The following HNRNPL variants were observed in gnomAD, a reference collection of about 807,000 sequenced individuals.
HNRNPL encodes the protein heterogeneous nuclear ribonucleoprotein L.
HNRNPL carries 12 observed loss-of-function variants against 64.0 expected under a neutral mutation model. The observed-to-expected ratio is 0.19, with a 90% CI of 0.12 to 0.30. The LOEUF (loss-of-function observed/expected upper bound fraction) is 0.30, where lower values mean the gene tolerates loss of function less well. Ranked by LOEUF, HNRNPL falls within the 10% of genes least tolerant of loss-of-function variation. HNRNPL has a pLI of 1.00. For synonymous variants in HNRNPL, 385 were observed against 313.0 expected (o/e 1.23, Z -2.43); for missense variants, 484 against 797.4 (o/e 0.61, Z 4.73).
chr19:38,850,653 T>A (rs1972480045), upstream of HNRNPL, among the ~76,000 whole-genome samples: 1 of 152,246 alleles, frequency 6.6e-6, no homozygotes, highest in Non-Finnish European at 1.5e-5. Flanking sequence ...GGCCCCCTTA[T>A]GGAGCGACCG....
In HNRNPL at chr19:38,838,640, T is replaced by C. The variant is rs745951413; in HGVS notation, c.1356-42A>G. ...AGGGGAGCCTTTGTCATACCCAAAG[T>C]TGTCCCTGAAGCTTTCCCCTGTGGC... On this transcript the variant is annotated intron_variant, in intron 9 of 12. Transcript: ENST00000221419. 4.4e-6 allele frequency: 7 copies of C among 1,585,962 alleles called. No individual in the cohort carries two copies. The Admixed American group carries it at 1.2e-4, about 27-fold the overall frequency.
chr19:38,847,558 G>A (rs1972341709), intron 1 of HNRNPL, 124 bp from the exon 2 acceptor site: 4 of 491,944 alleles, frequency 8.1e-6, no homozygotes, highest in African/African-American at 2.0e-5. Flanking sequence ...AGGATGCACA[G>A]GAAAGACTAG....
In HNRNPL at chr19:38,847,369, G is replaced by A. The variant is rs1269169006; in HGVS notation, c.333C>T (p.Asp111=). ...CCACAAGGTCTGCTTCCACCACACCGTCAATCAGGCCCCTGATGTGGACAA... is the reference window on the plus strand; with the variant it reads ...CCACAAGGTCTGCTTCCACCACACCATCAATCAGGCCCCTGATGTGGACAA... ...SPVVHIRGLI[D]GVVEADLVEA... Residue 111 remains aspartate (D), a synonymous_variant, in exon 2 of 13, where the codon GAC becomes GAT. Transcript: ENST00000221419. 28 of 1,571,344 alleles carry A rather than the reference G, an allele frequency of 1.8e-5. No individual in the cohort carries two copies. The highest frequency in any genetic ancestry group is 5.5e-5 in the African/African-American group (4 of 72,994).
At chr19:38,843,734 A>G in intron 6 of HNRNPL, 108 bp downstream of exon 6, 2 of 918,382 alleles carry the variant, frequency 2.2e-6, no homozygotes, top group Non-Finnish European at 3.5e-6. Flanking sequence ...TCCCATGTCC[A>G]TGGGGGGCCC....
At chr19:38,851,480 AG>A (rs1442452283), upstream of HNRNPL, among the ~76,000 whole-genome samples, 2 of 152,042 alleles carry the variant, frequency 1.3e-5, no homozygotes, top group Non-Finnish European at 2.9e-5. Flanking sequence ...ATATCGCCAA[AG>A]GGGGGAAAAG....
chr19:38,843,102 A>G (rs1972169270), intron 6 of HNRNPL, among the ~76,000 whole-genome samples: 1 of 152,080 alleles, frequency 6.6e-6, no homozygotes, highest in Non-Finnish European at 1.5e-5. Context: ...GGCCTGTGCG[A>G]TGTCAGCATC....
At chr19:38,839,956 C>A (rs1278214504) in intron 8 of HNRNPL, 140 bp downstream of exon 8, 2 of 724,092 alleles carry the variant, frequency 2.8e-6, no homozygotes, top group African/African-American at 3.5e-5. Context: ...CGTCTGCAAG[C>A]AGGCTGCCTG....
At chr19:38,839,712 T>C (rs73930210) in intron 8 of HNRNPL, 11 of 227,314 alleles carry the variant, frequency 4.8e-5, no homozygotes, top group Non-Finnish European at 7.9e-5. Context: ...CAGCCACCGC[T>C]AGCCCCAGTC....
intron 2 of HNRNPL, 134 bp from the exon 3 acceptor site, chr19:38,846,224 G>C: frequency 4.1e-6 from 3 of 731,302 alleles, no homozygotes. Context: ...TCCCCGACCT[G>C]AACACCCTGT....
intron 7 of HNRNPL, 54 bp from the exon 8 acceptor site, chr19:38,840,430 C>T (rs973728733): frequency 1.6e-5 from 25 of 1,554,930 alleles, no homozygotes; most frequent in East Asian, 1.1e-4. Flanking sequence ...GCACGGCGGG[C>T]GGCGGGCAGG....
Position 38,837,490 on chromosome 19 carries a change from A to T in HNRNPL, c.1616-11T>A. On this transcript the variant is annotated splice_polypyrimidine_tract_variant and intron_variant, in intron 11 of 12. Coordinates refer to ENST00000221419, the MANE Select transcript of HNRNPL (RefSeq NM_001533.3). ...AGGAGCTGCGCTCACCTGATTGCAA[A>T]CCAAGGGGAAAAGTAAAGGTTTTAG... is the stretch of plus-strand genomic sequence containing the variant. The T allele has an allele frequency of 6.2e-7, 1 of 1,614,038 alleles. No homozygotes were observed.
At chr19:38,844,498 T>C (rs1260862545) in intron 4 of HNRNPL, among the ~76,000 whole-genome samples, 1 of 152,140 alleles carries the variant, frequency 6.6e-6, no homozygotes, top group Non-Finnish European at 1.5e-5. Flanking sequence ...ATCGCAACGC[T>C]GTCTAGGATG....
intron 9 of HNRNPL, 75 bp from the exon 10 acceptor site, chr19:38,838,673 G>C: frequency 1.4e-6 from 2 of 1,463,826 alleles, no homozygotes; most frequent in South Asian, 2.3e-5. Flanking sequence ...GGCCTCCAGA[G>C]GCTTAGCTTG....
chr19:38,847,422 C>T lies in HNRNPL; in HGVS notation c.280G>A (p.Asp94Asn). 1 of 1,516,424 alleles carries T rather than the reference C, an allele frequency of 6.6e-7. No homozygotes were observed. Among genetic ancestry groups the T allele is most frequent in the South Asian group, 1.3e-5 (1 of 77,672 alleles). The allele number at this position is 1,516,424 out of a possible 1,614,324, so 93.9% of individuals were successfully genotyped here. A position where few individuals can be genotyped will look rare whatever the true frequency, so the allele number is the denominator to read the frequency against. Residue 94 changes from aspartate (D) to asparagine (N), a missense_variant, in exon 2 of 13, where the codon GAC becomes AAC. Transcript: ENST00000221419. Reference protein sequence around the residue: ...GGGGGGENYDDPHKTPASPVV... With the variant: ...GGGGGGENYDNPHKTPASPVV... ...GGGGAGGCAGGGGTTTTGTGCGGGT[C>T]ATCGTAGTTCTCCTGAGAAAGGAAG...
intron 2 of HNRNPL, among the ~76,000 whole-genome samples, 172 bp downstream of exon 2, chr19:38,847,144 G>A (rs1972327340): frequency 6.6e-6 from 1 of 152,202 alleles, no homozygotes; most frequent in Admixed American, 6.5e-5. Flanking sequence ...AAGGGTCATG[G>A]AACTTGCTGT....
At chr19:38,839,117 T>C in intron 8 of HNRNPL, 102 bp from the exon 9 acceptor site, 8 of 1,438,512 alleles carry the variant, frequency 5.6e-6, no homozygotes, top group Non-Finnish European at 7.7e-6. Flanking sequence ...TGGCCTCCCA[T>C]GTCCTCACAG....
At position 38,837,668 on chromosome 19, in the gene HNRNPL, G is replaced by C; in HGVS notation, c.1558-17C>G. 1 of 1,613,108 alleles carries C rather than the reference G, an allele frequency of 6.2e-7. No homozygotes were observed. Among genetic ancestry groups the C allele is most frequent in the Non-Finnish European group, 8.5e-7 (1 of 1,179,170 alleles). ...ATCGCAGATCTGCAAAAGAAAACAG[G>C]TAGTAAATGAACTCTGAAACAAAAG... On this transcript the variant is annotated splice_polypyrimidine_tract_variant and intron_variant, in intron 10 of 12. Coordinates refer to ENST00000221419, the MANE Select transcript of HNRNPL (RefSeq NM_001533.3).
chr19:38,850,675 C>A (rs891709045), upstream of HNRNPL, among the ~76,000 whole-genome samples: 3 of 152,226 alleles, frequency 2.0e-5, no homozygotes, highest in African/African-American at 7.2e-5. Flanking sequence ...TGTGTGTGCG[C>A]CGGAAGGCTA....
At position 38,840,538 on chromosome 19, in the gene HNRNPL, T is replaced by C; in HGVS notation, c.902A>G (p.Asn301Ser). ...SGQGDPGSNPNKRQRQPPLLG... is the reference protein window; with the variant it reads ...SGQGDPGSNPSKRQRQPPLLG... ...GAGAGGGGGCTGCCTCTGGCGTTTG[T>C]TGGGGTTGCTGCCAGGGTCACCTGT... Residue 301 changes from asparagine (N) to serine (S), a missense_variant, in exon 7 of 13, where the codon AAC becomes AGC. By Grantham distance (46) the Asn-to-Ser change is conservative. Coordinates refer to ENST00000221419, the MANE Select transcript of HNRNPL (RefSeq NM_001533.3). 6 of 1,590,806 alleles carry C rather than the reference T, an allele frequency of 3.8e-6. No homozygotes were observed. Among genetic ancestry groups the C allele is most frequent in the Non-Finnish European group, 5.1e-6 (6 of 1,169,444 alleles).
Sources: gnomAD v4.1 joint callset for allele counts (sites outside exome capture counted in the v4.1 genomes callset) on GRCh38, gnomAD v4.1.1 for gene constraint, MANE v1.5 for transcripts, NCBI Gene and HGNC (gene_info 2026-07-23, HGNC 2026-07-21) for gene names.